TMPRSS2: variants seen among roughly 807,000 people sequenced by gnomAD.
The protein encoded by TMPRSS2 is transmembrane protease serine 2.
A neutral mutation model predicts 67.4 loss-of-function variants in TMPRSS2; 59 were observed. The observed-to-expected ratio is 0.88, with a 90% CI of 0.71 to 1.09. The LOEUF (loss-of-function observed/expected upper bound fraction) is 1.09. Among genes scored for constraint, TMPRSS2 ranks in the 50% least tolerant of loss-of-function variants. The probability of loss-of-function intolerance (pLI) is 0.00; values close to 1 mark genes in which losing one functional copy is unlikely to be tolerated. For missense variants in TMPRSS2, 668 were observed against 642.7 expected, an observed-to-expected ratio of 1.04 and a Z score of -0.43; for synonymous variants, 257 against 257.0, an observed-to-expected ratio of 1.00 and a Z score of 0.00.
In TMPRSS2 at chr21:41,466,080, G is replaced by T; in HGVS notation, c.*62C>A. On this transcript the variant is annotated 3_prime_UTR_variant, in exon 14 of 14. Transcript: ENST00000332149. Reference sequence around the variant, plus strand: ...ATCTCTAAGAGTAAATCATGCACGGGGAAGCAAAACCAGCCCCATTGTTTT... The same window carrying T: ...ATCTCTAAGAGTAAATCATGCACGGTGAAGCAAAACCAGCCCCATTGTTTT... 6.3e-7 allele frequency: 1 copy of T among 1,597,718 alleles called. No homozygotes were observed. Among genetic ancestry groups the T allele is most frequent in the African/African-American group, 1.3e-5 (1 of 74,500 alleles).
chr21:41,502,345 T>G (rs1601592437), intron 1 of TMPRSS2: 1 of 977,060 alleles, frequency 1.0e-6, no homozygotes, highest in Non-Finnish European at 1.2e-6. Context: ...GATCCAGGGG[T>G]ATTCTCTGCA....
chr21:41,492,733 G>A (rs2091347334), intron 3 of TMPRSS2, among the ~76,000 whole-genome samples: 1 of 152,176 alleles, frequency 6.6e-6, no homozygotes, highest in Non-Finnish European at 1.5e-5. Flanking sequence ...GTCCAACTCT[G>A]TCATCATCTA....
At chr21:41,475,199 T>G (rs111220533) in intron 8 of TMPRSS2, among the ~76,000 whole-genome samples, 1,061 of 2,792 alleles carry the variant, frequency 0.38, 66 homozygotes, top group Middle Eastern at 0.5. Context: ...GGTGAAGGTG[T>G]GAGTGAGGAG....
chr21:41,508,030 C>A (rs565468881), intron 1 of TMPRSS2, 51 bp downstream of exon 1: 18 of 1,313,778 alleles, frequency 1.4e-5, no homozygotes, highest in African/African-American at 1.5e-5. Context: ...GCCCAGGTTC[C>A]CCTCCCCAGC....
intron 1 of TMPRSS2, among the ~76,000 whole-genome samples, chr21:41,506,003 C>A (rs1355670280): frequency 6.6e-6 from 1 of 152,198 alleles, no homozygotes; most frequent in Non-Finnish European, 1.5e-5. Context: ...GAGTTAAGTA[C>A]ATTATAAAGG....
intron 10 of TMPRSS2, 22 bp from the exon 11 acceptor site, chr21:41,470,765 CAG>C (rs772851361): frequency 3.0e-6 from 4 of 1,355,392 alleles, no homozygotes; most frequent in Non-Finnish European, 4.1e-6. Context: ...AGAGAAAACA[CAG>C]TGAGCCAGGC....
At chr21:41,486,167 C>T (rs1226248031) in intron 5 of TMPRSS2, among the ~76,000 whole-genome samples, 1 of 152,168 alleles carries the variant, frequency 6.6e-6, no homozygotes, top group Non-Finnish European at 1.5e-5. Context: ...TCTGAAATTT[C>T]TATTTCTAGA....
intron 1 of TMPRSS2, chr21:41,502,485 G>C (rs2091431084): frequency 1.0e-6 from 1 of 985,252 alleles, no homozygotes; most frequent in African/African-American, 1.7e-5. Flanking sequence ...CAGACTCAGT[G>C]CCCCTTCTTC....
chr21:41,475,649 TGAG>T (rs2091205147), intron 8 of TMPRSS2, among the ~76,000 whole-genome samples: 1 of 47,336 alleles, frequency 2.1e-5, no homozygotes, highest in Admixed American at 2.4e-4. Flanking sequence ...AGTGAGGAGG[TGAG>T]TGAGGGTTGA....
intron 3 of TMPRSS2, among the ~76,000 whole-genome samples, 188 bp from the exon 4 acceptor site, chr21:41,489,781 T>C (rs1228816273): frequency 1.3e-5 from 2 of 152,208 alleles, no homozygotes; most frequent in East Asian, 3.8e-4. Flanking sequence ...CTAAACCTTA[T>C]GCAATTTGGA....
At chr21:41,468,773 G>T (rs905598994) in intron 11 of TMPRSS2, 1 of 487,104 alleles carries the variant, frequency 2.1e-6, no homozygotes, top group South Asian at 3.5e-5. Flanking sequence ...TTCAGGGAAA[G>T]AAATTCCCAG....
chr21:41,502,533 C>T (rs2091431299), intron 1 of TMPRSS2: 1 of 985,312 alleles, frequency 1.0e-6, no homozygotes, highest in Non-Finnish European at 1.2e-6. Context: ...TCCACGGACA[C>T]ATCCCAGCCA....
chr21:41,465,879 C>A lies in TMPRSS2; in HGVS notation c.*263G>T. The A allele has an allele frequency of 1.8e-6, 1 of 547,528 alleles. No homozygotes were observed. Among genetic ancestry groups the A allele is most frequent in the Non-Finnish European group, 3.3e-6 (1 of 305,110 alleles). 33.9% of individuals were successfully genotyped at this position (547,528 alleles called of 1,614,324 possible). Reference sequence around the variant, plus strand: ...AGATCTCAATGGGGCAGCCTCCACCCCTCTCCTCCACACTTGACCGCCAGT... The same window carrying A: ...AGATCTCAATGGGGCAGCCTCCACCACTCTCCTCCACACTTGACCGCCAGT... On this transcript the variant is annotated 3_prime_UTR_variant, in exon 14 of 14. Coordinates refer to ENST00000332149, the MANE Select transcript of TMPRSS2 (RefSeq NM_005656.4).
Position 41,485,993 on chromosome 21 carries a change from G to A in TMPRSS2, c.445+2401C>T, listed in dbSNP as rs535407146. ...CAGTCCCCACCAAGGATGGCCCTTA[G>A]GAGAGGGGGGATTACTTTGGCATGG... On this transcript the variant is annotated intron_variant, in intron 5 of 13. Transcript: ENST00000332149. Among the ~76,000 whole-genome samples, 4 of 152,308 alleles carry A rather than the reference G, an allele frequency of 2.6e-5. No individual in the cohort carries two copies. In the South Asian group the frequency reaches 8.3e-4, roughly 32 times the overall value.
intron 5 of TMPRSS2, among the ~76,000 whole-genome samples, chr21:41,483,722 G>A (rs556435793): frequency 3.0e-4 from 46 of 151,168 alleles, no homozygotes; most frequent in South Asian, 1.3e-3. Flanking sequence ...CGGAAGAGAC[G>A]GCAGCTGATA....
intron 5 of TMPRSS2, chr21:41,487,744 C>CT (rs1381806037): frequency 6.6e-6 from 1 of 152,152 alleles, no homozygotes; most frequent in East Asian, 1.9e-4. Context: ...ACAGATAGAT[C>CT]TTTAAAGGCA....
intron 11 of TMPRSS2, among the ~76,000 whole-genome samples, chr21:41,470,324 G>A (rs2091121589): frequency 6.6e-6 from 1 of 152,148 alleles, no homozygotes; most frequent in Non-Finnish European, 1.5e-5. Flanking sequence ...AGGCCTTGGT[G>A]GGATCTCCAG....
intron 9 of TMPRSS2, among the ~76,000 whole-genome samples, chr21:41,472,562 A>G (rs1202133229): frequency 6.6e-6 from 1 of 152,084 alleles, no homozygotes; most frequent in Admixed American, 6.5e-5. Context: ...AGGGGGAGAG[A>G]AGGGAGCACC....
intron 5 of TMPRSS2, among the ~76,000 whole-genome samples, chr21:41,485,741 T>C (rs1263852468): frequency 6.6e-6 from 1 of 152,122 alleles, no homozygotes; most frequent in African/African-American, 2.4e-5. Flanking sequence ...ACTCCCACTT[T>C]ATTTTAGAAA....
Sources: gnomAD v4.1 joint callset for allele counts (sites outside exome capture counted in the v4.1 genomes callset) on GRCh38, gnomAD v4.1.1 for gene constraint, MANE v1.5 for transcripts, NCBI Gene and HGNC (gene_info 2026-07-23, HGNC 2026-07-21) for gene names.